RBM6: variants seen among roughly 807,000 people sequenced by gnomAD.
RBM6 encodes the protein RNA-binding protein 6.
In RBM6, 23 loss-of-function variants were observed where a neutral mutation model predicts 140.4. The observed-to-expected ratio is 0.16, with a 90% confidence interval of 0.12 to 0.23. The LOEUF is 0.23. Among genes scored for constraint, RBM6 ranks in the 10% least tolerant of loss-of-function variants. RBM6 has a pLI of 1.00. For missense variants in RBM6, 1,139 were observed against 1,386.7 expected, an observed-to-expected ratio of 0.82 and a Z score of 2.84; for synonymous variants, 439 against 475.6, an observed-to-expected ratio of 0.92 and a Z score of 1.00.
rs1174702847 is a variant in RBM6, at chr3:49,968,086, T to C, written c.661T>C (p.Ser221Pro). ...TTCTGATTTTAGGAATAGAGATGTA[T>C]CTGATTTGGACTTTAGAGACAAAGA... ...SRSDFRNRDV[S>P]DLDFRDKDGT... is the part of the protein sequence containing the mutation. The change falls in exon 3 of 21, where the codon TCT becomes CCT. Residue 221 changes from serine (S) to proline (P), a missense_variant. Coordinates refer to ENST00000266022, the MANE Select transcript of RBM6 (RefSeq NM_005777.3). 1 of 1,614,142 alleles carries C rather than the reference T, an allele frequency of 6.2e-7. No individual in the cohort carries two copies. The highest frequency in any genetic ancestry group is 2.2e-5 in the East Asian group (1 of 44,882).
intron 7 of RBM6, among the ~76,000 whole-genome samples, chr3:50,049,080 G>T (rs922362851): frequency 4.0e-5 from 6 of 151,326 alleles, no homozygotes; most frequent in Non-Finnish European, 7.4e-5. Flanking sequence ...GGGATTATAG[G>T]CATGAGCCAC....
intron 1 of RBM6, among the ~76,000 whole-genome samples, chr3:49,943,919 G>A (rs2083386593): frequency 6.6e-6 from 1 of 152,100 alleles, no homozygotes; most frequent in African/African-American, 2.4e-5. Context: ...ATTTGTGTGT[G>A]TATATGTGGT....
At chr3:50,051,076 A>G (rs1046101792) in intron 7 of RBM6, among the ~76,000 whole-genome samples, 1 of 152,180 alleles carries the variant, frequency 6.6e-6, no homozygotes, top group African/African-American at 2.4e-5. Flanking sequence ...GGTGTGGCTC[A>G]TGGCTGTAAT....
chr3:49,993,519 G>A (rs2085924871), intron 5 of RBM6, among the ~76,000 whole-genome samples: 1 of 152,132 alleles, frequency 6.6e-6, no homozygotes, highest in African/African-American at 2.4e-5. Flanking sequence ...GCGCATGCCT[G>A]TAAACCTAGC....
chr3:49,984,819 T>C (rs891754970), intron 5 of RBM6, among the ~76,000 whole-genome samples: 2 of 152,328 alleles, frequency 1.3e-5, no homozygotes, highest in African/African-American at 4.8e-5. Context: ...AATTTTCAGA[T>C]TTTGCATCTT....
intron 6 of RBM6, among the ~76,000 whole-genome samples, chr3:50,016,975 G>A (rs1248954339): frequency 6.6e-6 from 1 of 151,956 alleles, no homozygotes; most frequent in African/African-American, 2.4e-5. Context: ...ACAGGCATGT[G>A]CCACCACACC....
At chr3:49,954,125 G>A (rs1461508441) in intron 1 of RBM6, among the ~76,000 whole-genome samples, 5 of 150,080 alleles carry the variant, frequency 3.3e-5, no homozygotes, top group Admixed American at 2.7e-4. Context: ...GACAGAGTGA[G>A]ATAAGGTCTC....
intron 5 of RBM6, chr3:49,981,640 T>C (rs2085309242): frequency 6.6e-6 from 1 of 152,194 alleles, no homozygotes. Context: ...CTGCTCTGCA[T>C]AGCAGGAGAA....
intron 7 of RBM6, among the ~76,000 whole-genome samples, chr3:50,050,953 C>A (rs2089440031): frequency 6.6e-6 from 1 of 151,832 alleles, no homozygotes; most frequent in Non-Finnish European, 1.5e-5. Flanking sequence ...TTTATATTTT[C>A]TGGATATTAA....
At chr3:50,065,288 A>G (rs912415774) in intron 16 of RBM6, among the ~76,000 whole-genome samples, 162 bp downstream of exon 16, 6 of 152,204 alleles carry the variant, frequency 3.9e-5, no homozygotes, top group African/African-American at 1.4e-4. Flanking sequence ...AGCATGAGAT[A>G]AAGTTTTCTG....
rs370521541 is a variant in RBM6 at position 50,002,410 on chromosome 3, C to T, written c.1557+2897C>T. ...CCAAATAGCTGGGATTACAGGTGCC[C>T]GCCACCACACCTGGCTAATTTTTGT... On this transcript the variant is annotated intron_variant, in intron 6 of 20. Transcript: ENST00000266022. 1.4e-4 allele frequency among the ~76,000 whole-genome samples: 21 copies of T among 152,030 alleles called. No homozygotes were observed. In the East Asian group the frequency reaches 2.3e-3, roughly 17 times the overall value.
At chr3:49,998,017 A>C (rs1479157227) in intron 5 of RBM6, among the ~76,000 whole-genome samples, 2 of 152,192 alleles carry the variant, frequency 1.3e-5, no homozygotes, top group African/African-American at 4.8e-5. Context: ...ATCCTACAGT[A>C]GTGCTGAGGT....
chr3:49,945,076 C>A (rs775656609), intron 1 of RBM6, among the ~76,000 whole-genome samples: 1 of 151,362 alleles, frequency 6.6e-6, no homozygotes. Flanking sequence ...GGGGTTTCAC[C>A]GTGTTAGCCA....
At chr3:49,972,367 G>A (rs1253119222) in intron 4 of RBM6, among the ~76,000 whole-genome samples, 5 of 152,080 alleles carry the variant, frequency 3.3e-5, no homozygotes, top group African/African-American at 1.2e-4. Flanking sequence ...AGTTTATTCA[G>A]ATTTCACCAT....
chr3:50,071,660 G>A (rs1343812605), intron 19 of RBM6, among the ~76,000 whole-genome samples: 1 of 152,154 alleles, frequency 6.6e-6, no homozygotes, highest in Non-Finnish European at 1.5e-5. Flanking sequence ...AAGAAAAGGA[G>A]TGTGGCTTAG....
rs66697775 is a variant in RBM6, at chr3:49,962,150, TAA to T, written c.-66-409_-66-408del. Among the ~76,000 whole-genome samples, 976 of 112,378 alleles carry T rather than the reference TAA, an allele frequency of 8.7e-3. 3 individuals carry two copies. Among genetic ancestry groups the T allele is most frequent in the Non-Finnish European group, 9.9e-3 (554 of 55,916 alleles). The allele number at this position is 112,378 out of a possible 152,430, so 73.7% of individuals were successfully genotyped here. ...GGCAACAAAGCAAGACTCCATCTCT[TAA>T]AAAAAAAAAAAAAAAAGAAGGCCGG... On this transcript the variant is annotated intron_variant, in intron 1 of 20. Coordinates refer to ENST00000266022, the MANE Select transcript of RBM6 (RefSeq NM_005777.3).
intron 1 of RBM6, among the ~76,000 whole-genome samples, chr3:49,954,844 C>T (rs1397467332): frequency 6.6e-6 from 1 of 151,110 alleles, no homozygotes; most frequent in Non-Finnish European, 1.5e-5. Context: ...CTGCAAGCTC[C>T]GCCTCCCAGG....
chr3:49,974,832 G>A (rs1219293751), intron 4 of RBM6, among the ~76,000 whole-genome samples: 1 of 151,380 alleles, frequency 6.6e-6, no homozygotes, highest in African/African-American at 2.4e-5. Flanking sequence ...GATTACAGGT[G>A]TGTGCCACCA....
At chr3:49,971,711 A>G (rs1006512651) in intron 3 of RBM6, among the ~76,000 whole-genome samples, 2 of 151,906 alleles carry the variant, frequency 1.3e-5, no homozygotes, top group Non-Finnish European at 2.9e-5. Flanking sequence ...TAATTTTTGT[A>G]TTTTTAGTAG....
Sources: allele counts gnomAD v4.1 joint callset (sites outside exome capture counted in the v4.1 genomes callset), GRCh38; gene constraint gnomAD v4.1.1; transcripts MANE v1.5; gene names NCBI Gene and HGNC (gene_info 2026-07-23, HGNC 2026-07-21).